Variants in PCA3 observed in about 807,000 individuals in gnomAD.
The protein encoded by PCA3 is Differential Display code 3.
intron 2 of PCA3, chr9:76,764,602 T>C (rs1408396040): frequency 1.3e-5 from 2 of 152,270 alleles, no homozygotes; most frequent in South Asian, 4.1e-4. Context: ...CAAAGAGCTA[T>C]GGGAAGTGAC....
intron 2 of PCA3, among the ~76,000 whole-genome samples, chr9:76,778,101 T>C (rs1316007096): frequency 1.3e-5 from 2 of 152,184 alleles, no homozygotes; most frequent in East Asian, 3.8e-4. Flanking sequence ...TTTTAAAAAA[T>C]ACCAATGACT....
chr9:76,770,603 T>C (rs917482893), intron 2 of PCA3, among the ~76,000 whole-genome samples: 2 of 152,178 alleles, frequency 1.3e-5, no homozygotes, highest in Non-Finnish European at 2.9e-5. Context: ...CAAATGAAAC[T>C]AACATTTCAA....
At chr9:76,777,809 T>C (rs2053962807) in intron 2 of PCA3, among the ~76,000 whole-genome samples, 1 of 152,176 alleles carries the variant, frequency 6.6e-6, no homozygotes, top group South Asian at 2.1e-4. Context: ...GATGTCACCA[T>C]TTACATGACA....
chr9:76,765,101 T>C (rs2052194484), intron 2 of PCA3, among the ~76,000 whole-genome samples: 1 of 152,188 alleles, frequency 6.6e-6, no homozygotes, highest in Non-Finnish European at 1.5e-5. Flanking sequence ...GTAGCAGATG[T>C]ACATTTGTTG....
At chr9:76,786,027 A>G (rs993950671) in intron 2 of PCA3, 7 of 152,220 alleles carry the variant, frequency 4.6e-5, no homozygotes, top group African/African-American at 1.7e-4. Flanking sequence ...AGCACCTCGC[A>G]TTTGTGGGTT....
At chr9:76,767,198 T>C (rs503236) in intron 2 of PCA3, among the ~76,000 whole-genome samples, 49,063 of 152,082 alleles carry the variant, frequency 0.32, 8,204 homozygotes, top group South Asian at 0.42. Flanking sequence ...ACGCCTGTAA[T>C]CCCAGCACTT....
At chr9:76,783,695 G>GT (rs1476120105) in intron 2 of PCA3, 1 of 152,184 alleles carries the variant, frequency 6.6e-6, no homozygotes, top group Non-Finnish European at 1.5e-5. Flanking sequence ...ATGGTCGTAT[G>GT]TATTTCCAGG....
chr9:76,767,923 G>A (rs2052598815), intron 2 of PCA3, among the ~76,000 whole-genome samples: 1 of 152,224 alleles, frequency 6.6e-6, no homozygotes, highest in Middle Eastern at 3.2e-3. Context: ...CACTTTGGGT[G>A]TAAAAGAGCA....
chr9:76,776,170 A>T (rs1477231737), intron 2 of PCA3, among the ~76,000 whole-genome samples: 2 of 152,220 alleles, frequency 1.3e-5, no homozygotes, highest in African/African-American at 4.8e-5. Context: ...TAGGGGGTAC[A>T]AGTGCAGTTT....
chr9:76,768,564 GATAT>G (rs1186985207), intron 2 of PCA3, among the ~76,000 whole-genome samples: 1 of 128,406 alleles, frequency 7.8e-6, no homozygotes, highest in Non-Finnish European at 1.7e-5. Context: ...TCTTTGGGTT[GATAT>G]ATATATGTAT....
At chr9:76,779,886 A>C (rs1422563321) in intron 2 of PCA3, 1 of 152,240 alleles carries the variant, frequency 6.6e-6, no homozygotes, top group Non-Finnish European at 1.5e-5. Flanking sequence ...ACTTTCCTCT[A>C]TACAGAGAAA....
intron 2 of PCA3, among the ~76,000 whole-genome samples, chr9:76,768,232 G>A (rs1388459180): frequency 1.3e-5 from 2 of 151,642 alleles, no homozygotes; most frequent in African/African-American, 4.9e-5. Flanking sequence ...TCGCTCTGTC[G>A]CCCAGGCTGG....
At chr9:76,781,358 A>G (rs1371973755) in intron 2 of PCA3, among the ~76,000 whole-genome samples, 1 of 152,112 alleles carries the variant, frequency 6.6e-6, no homozygotes, top group Non-Finnish European at 1.5e-5. Context: ...TCCCTCCCCT[A>G]CACTCACTAT....
intron 2 of PCA3, chr9:76,780,032 T>G (rs958208154): frequency 3.3e-5 from 5 of 152,352 alleles, no homozygotes; most frequent in Admixed American, 2.6e-4. Context: ...GACCCTTGAT[T>G]TCATATGTAG....
intron 2 of PCA3, among the ~76,000 whole-genome samples, chr9:76,770,952 G>A (rs1444018173): frequency 1.3e-5 from 2 of 152,078 alleles, no homozygotes; most frequent in Non-Finnish European, 2.9e-5. Flanking sequence ...ATTAGTAATT[G>A]ATAAACTAAT....
At chr9:76,776,484 T>C (rs185516349) in intron 2 of PCA3, among the ~76,000 whole-genome samples, 15 of 152,014 alleles carry the variant, frequency 9.9e-5, no homozygotes, top group Admixed American at 2.6e-4. Context: ...ACGGTATACA[T>C]TTACACCACA....
chr9:76,773,734 G>T (rs1014532452), intron 2 of PCA3, among the ~76,000 whole-genome samples: 1 of 152,100 alleles, frequency 6.6e-6, no homozygotes, highest in African/African-American at 2.4e-5. Context: ...GTGAGCCACC[G>T]CACCCGGCCA....
intron 2 of PCA3, chr9:76,778,988 T>C (rs2054088254): frequency 6.6e-6 from 1 of 152,232 alleles, no homozygotes; most frequent in South Asian, 2.1e-4. Flanking sequence ...TTGGGTTTGC[T>C]AGCTGCATCA....
intron 2 of PCA3, chr9:76,778,684 A>C (rs1424513800): frequency 6.6e-6 from 1 of 152,238 alleles, no homozygotes; most frequent in Non-Finnish European, 1.5e-5. Context: ...ATGATCTATA[A>C]AGTGGGATAT....
Sources: gnomAD v4.1 joint callset for allele counts (sites outside exome capture counted in the v4.1 genomes callset) on GRCh38, gnomAD v4.1.1 for gene constraint, MANE v1.5 for transcripts, NCBI Gene and HGNC (gene_info 2026-07-23, HGNC 2026-07-21) for gene names.